ME1: variants seen among roughly 807,000 people sequenced by gnomAD.
ME1 encodes NADP-dependent malic enzyme.
In ME1, 74 loss-of-function variants were observed where a neutral mutation model predicts 66.4. The observed-to-expected ratio is 1.11, with a 90% CI of 0.92 to 1.35. The LOEUF is 1.35. ME1 is among the 40% of genes most tolerant of loss of function. The pLI, the probability that ME1 is intolerant of heterozygous loss-of-function variation, is 0.00. For synonymous variants in ME1, 251 were observed against 235.6 expected (o/e 1.07, Z -0.60); for missense variants, 750 against 694.1 (o/e 1.08, Z -0.90).
At chr6:83,295,301 CA>C (rs1402182004) in intron 6 of ME1, among the ~76,000 whole-genome samples, 10 of 152,284 alleles carry the variant, frequency 6.6e-5, no homozygotes, top group East Asian at 1.9e-4. Context: ...AAGGAACACT[CA>C]AACACAGAGA....
At chr6:83,243,885 G>GTA (rs1790565036) in intron 7 of ME1, among the ~76,000 whole-genome samples, 1 of 110,614 alleles carries the variant, frequency 9.0e-6, no homozygotes, top group South Asian at 2.5e-4. Context: ...ATATGTGTGT[G>GTA]TGTATATATA....
chr6:83,272,658 A>G (rs1204772291), intron 6 of ME1, among the ~76,000 whole-genome samples: 1 of 152,166 alleles, frequency 6.6e-6, no homozygotes, highest in African/African-American at 2.4e-5. Flanking sequence ...CCCTAAGTCC[A>G]AGGATTAGAT....
At chr6:83,239,019 C>T in intron 8 of ME1, among the ~76,000 whole-genome samples, 1 of 151,770 alleles carries the variant, frequency 6.6e-6, no homozygotes, top group East Asian at 1.9e-4. Context: ...TTGCTGCAGT[C>T]TCTTTCCAAC....
intron 9 of ME1, among the ~76,000 whole-genome samples, chr6:83,230,689 T>A (rs1450933436): frequency 6.6e-6 from 1 of 152,146 alleles, no homozygotes; most frequent in African/African-American, 2.4e-5. Context: ...CCCAGCACTT[T>A]GGGAGGCTGA....
intron 9 of ME1, among the ~76,000 whole-genome samples, chr6:83,231,677 G>A (rs202008878): frequency 1.3e-5 from 2 of 152,054 alleles, no homozygotes; most frequent in East Asian, 1.9e-4. Flanking sequence ...ATACATATTC[G>A]TTATGCCAAT....
intron 6 of ME1, among the ~76,000 whole-genome samples, chr6:83,270,662 T>C (rs1767068137): frequency 6.6e-6 from 1 of 152,184 alleles, no homozygotes; most frequent in African/African-American, 2.4e-5. Flanking sequence ...TCACTCAGCA[T>C]TCAAGTTCTC....
intron 3 of ME1, among the ~76,000 whole-genome samples, chr6:83,388,104 G>GTTTTTTTTTTTTTT: frequency 1.5e-5 from 1 of 67,070 alleles, no homozygotes; most frequent in Admixed American, 2.2e-4. Context: ...TTTTTTTTTG[G>GTTTTTTTTTTTTTT]ACAGGATCTC....
rs140157932 is a variant in ME1 at position 83,281,806 on chromosome 6, CAAAAAAAAAAAAAAAAAA to C, written c.705-28086_705-28069del. Among the ~76,000 whole-genome samples, 3 of 13,276 alleles carry C rather than the reference CAAAAAAAAAAAAAAAAAA, an allele frequency of 2.3e-4. No homozygotes were observed. The Admixed American group carries it at 4.4e-3, about 19-fold the overall frequency. 8.7% of individuals were successfully genotyped at this position (13,276 alleles called of 152,430 possible). Reference sequence around the variant, plus strand: ...GGGTGACAGACTGAGACTCTGTCTCCAAAAAAAAAAAAAAAAAAAAAAAAAAAAAGAAAAGAAAACAAA... The same window carrying C: ...GGGTGACAGACTGAGACTCTGTCTCCAAAAAAAAAAAGAAAAGAAAACAAA... On this transcript the variant is annotated intron_variant, in intron 6 of 13. Coordinates refer to ENST00000369705, the MANE Select transcript of ME1 (RefSeq NM_002395.6).
At chr6:83,215,652 G>C (rs1789975954) in intron 13 of ME1, among the ~76,000 whole-genome samples, 1 of 152,172 alleles carries the variant, frequency 6.6e-6, no homozygotes, top group Non-Finnish European at 1.5e-5. Flanking sequence ...GGACACACAA[G>C]CGTGTACACA....
chr6:83,210,911 T>C lies in ME1; in HGVS notation c.*1013A>G, dbSNP rs1174922245. On this transcript the variant is annotated 3_prime_UTR_variant, in exon 14 of 14. Transcript: ENST00000369705. ...TAAGGACATTTCTGATACTGGGAAC[T>C]TAATTATAATACTTTCTCCAAATTC... 1 of 152,236 alleles carries C rather than the reference T, an allele frequency of 6.6e-6. No homozygotes were observed. Among genetic ancestry groups the C allele is most frequent in the East Asian group, 1.9e-4 (1 of 5,204 alleles). The allele number at this position is 152,236 out of a possible 1,614,324, so 9.4% of individuals were successfully genotyped here.
At chr6:83,429,131 C>A (rs1179362198) in intron 1 of ME1, among the ~76,000 whole-genome samples, 2 of 152,020 alleles carry the variant, frequency 1.3e-5, no homozygotes, top group African/African-American at 2.4e-5. Flanking sequence ...GGCATGGTGG[C>A]GGGCGCTTGT....
chr6:83,239,485 A>G, intron 8 of ME1, 54 bp downstream of exon 8: 1 of 1,225,114 alleles, frequency 8.2e-7, no homozygotes, highest in South Asian at 1.3e-5. Context: ...ATGAGCAATT[A>G]ACACTAATTA....
At chr6:83,403,197 T>A (rs1769869228) in intron 2 of ME1, among the ~76,000 whole-genome samples, 1 of 152,180 alleles carries the variant, frequency 6.6e-6, no homozygotes, top group South Asian at 2.1e-4. Flanking sequence ...TTGTGTTAGG[T>A]GGAAGTATGG....
chr6:83,222,835 A>C (rs1012892003), intron 12 of ME1, among the ~76,000 whole-genome samples: 18 of 152,196 alleles, frequency 1.2e-4, no homozygotes, highest in Non-Finnish European at 1.8e-4. Context: ...AAAATCTCAG[A>C]TCTTTCACAG....
At chr6:83,228,162 A>G (rs1790234443) in intron 10 of ME1, among the ~76,000 whole-genome samples, 1 of 152,340 alleles carries the variant, frequency 6.6e-6, no homozygotes, top group Admixed American at 6.5e-5. Context: ...TAAAGAATAA[A>G]GTTTCATAAA....
chr6:83,430,556 G>A (rs1170271722), intron 1 of ME1, among the ~76,000 whole-genome samples: 1 of 152,198 alleles, frequency 6.6e-6, no homozygotes, highest in Non-Finnish European at 1.5e-5. Context: ...CATTGTCTGG[G>A]CTCTTGTTTT....
At chr6:83,300,753 T>C (rs565797024) in intron 6 of ME1, among the ~76,000 whole-genome samples, 4 of 152,014 alleles carry the variant, frequency 2.6e-5, no homozygotes, top group Admixed American at 1.3e-4. Context: ...CACACGTATG[T>C]TTATTGCGGC....
intron 6 of ME1, among the ~76,000 whole-genome samples, chr6:83,266,048 C>G (rs1766983927): frequency 6.6e-6 from 1 of 152,070 alleles, no homozygotes; most frequent in African/African-American, 2.4e-5. Context: ...TGCTTGTAGG[C>G]TCTATACATA....
intron 3 of ME1, among the ~76,000 whole-genome samples, chr6:83,394,000 T>C (rs1454693418): frequency 6.6e-6 from 1 of 152,058 alleles, no homozygotes; most frequent in African/African-American, 2.4e-5. Flanking sequence ...TGGCGTTTTT[T>C]GGTACGATGA....
Sources: allele counts gnomAD v4.1 joint callset (sites outside exome capture counted in the v4.1 genomes callset), GRCh38; gene constraint gnomAD v4.1.1; transcripts MANE v1.5; gene names NCBI Gene and HGNC (gene_info 2026-07-23, HGNC 2026-07-21).